Variants in HERC1 observed in about 807,000 individuals in gnomAD.
The protein encoded by HERC1 is HECT and RLD domain containing E3 ubiquitin protein ligase family member 1, also known as probable E3 ubiquitin-protein ligase HERC1.
In HERC1, 160 loss-of-function variants were observed where a neutral mutation model predicts 554.3. That is an observed-to-expected ratio of 0.29 (90% confidence interval 0.25 to 0.33). HERC1 has a LOEUF of 0.33. Ranked by LOEUF, HERC1 falls within the 10% of genes least tolerant of loss-of-function variation. The pLI is 1.00. For synonymous variants in HERC1, 2,175 were observed against 2,131.7 expected, an observed-to-expected ratio of 1.02 and a Z score of -0.56; for missense variants, 4,919 against 5,918.5, an observed-to-expected ratio of 0.83 and a Z score of 5.54.
chr15:63,671,780 T>C (rs2070940611), intron 39 of HERC1, among the ~76,000 whole-genome samples: 1 of 152,090 alleles, frequency 6.6e-6, no homozygotes. Flanking sequence ...ACAGTGAAAA[T>C]CGTAATGCCT....
rs761797214 is a variant in HERC1, at chr15:63,615,924, G to C, written c.13942-4C>G. 1.3e-6 allele frequency: 2 copies of C among 1,577,052 alleles called. No homozygotes were observed. The highest frequency in any genetic ancestry group is 3.9e-5 in the Admixed American group (2 of 51,206). ...CAAAAGAATCAAGAGGAATCATCTA[G>C]GAACAGAAGAAAACAGAATTTTTAT... is the stretch of plus-strand genomic sequence containing the variant. On this transcript the variant is annotated splice_region_variant and splice_polypyrimidine_tract_variant and intron_variant, in intron 75 of 77. Coordinates refer to ENST00000443617, the MANE Select transcript of HERC1 (RefSeq NM_003922.4).
chr15:63,674,866 C>G lies in HERC1; in HGVS notation c.7322G>C (p.Arg2441Pro), dbSNP rs371256403. 25 of 1,613,674 alleles carry G rather than the reference C, an allele frequency of 1.5e-5. No homozygotes were observed. Among genetic ancestry groups the G allele is most frequent in the South Asian group, 3.3e-5 (3 of 91,070 alleles). ...KPESESALDM[R>P]TGLTSDDVKS... The stretch of plus-strand genomic sequence containing the variant: ...GACGTCATCAGATGTTAGGCCTGTT[C>G]GCATATCTAAAGCGGATTCACTCTC... Residue 2441 changes from arginine (R) to proline (P), a missense_variant, in exon 38 of 78, where the codon CGA becomes CCA. Coordinates refer to ENST00000443617, the MANE Select transcript of HERC1 (RefSeq NM_003922.4).
chr15:63,787,261 A>T (rs1235915573), intron 1 of HERC1, among the ~76,000 whole-genome samples: 1 of 152,010 alleles, frequency 6.6e-6, no homozygotes, highest in African/African-American at 2.4e-5. Flanking sequence ...GATTCAAGCA[A>T]TTCTCCTGCC....
At chr15:63,769,066 A>G (rs1357138018) in intron 2 of HERC1, among the ~76,000 whole-genome samples, 3 of 152,222 alleles carry the variant, frequency 2.0e-5, no homozygotes, top group Non-Finnish European at 4.4e-5. Context: ...AAAAGTCAGT[A>G]TTTAAGGATA....
Position 63,660,956 on chromosome 15 carries a change from C to T in HERC1, c.9223+17G>A. ...TAAAAAAACATGTAAAATAAAGAAGCTCTCAAAACAAACTACCTTCATACA... is the reference window on the plus strand; with the variant it reads ...TAAAAAAACATGTAAAATAAAGAAGTTCTCAAAACAAACTACCTTCATACA... On this transcript the variant is annotated intron_variant, in intron 46 of 77. Coordinates refer to ENST00000443617, the MANE Select transcript of HERC1 (RefSeq NM_003922.4). The T allele has an allele frequency of 6.5e-7, 1 of 1,537,396 alleles. No individual in the cohort carries two copies. Among genetic ancestry groups the T allele is most frequent in the Non-Finnish European group, 9.0e-7 (1 of 1,110,790 alleles).
In HERC1 at chr15:63,766,876, C is replaced by T. The variant is rs886577178; in HGVS notation, c.931-2685G>A. ...ATTTTTAGCAGAGAAGAGGTTTCTC[C>T]ATGTTGGTTCAGGCTGGTCTGAAAC... On this transcript the variant is annotated intron_variant, in intron 2 of 77. Transcript: ENST00000443617. 5.4e-4 allele frequency among the ~76,000 whole-genome samples: 81 copies of T among 151,376 alleles called. 1 individual carries two copies. The highest frequency in any genetic ancestry group is 1.8e-3 in the African/African-American group (74 of 41,210).
At chr15:63,738,433 A>G (rs1235647223) in intron 12 of HERC1, among the ~76,000 whole-genome samples, 1 of 152,212 alleles carries the variant, frequency 6.6e-6, no homozygotes, top group African/African-American at 2.4e-5. Flanking sequence ...ATACTAATTT[A>G]TTTGTTTTGA....
chr15:63,724,992 A>C (rs960124274), intron 18 of HERC1, among the ~76,000 whole-genome samples: 2 of 152,196 alleles, frequency 1.3e-5, no homozygotes, highest in Admixed American at 1.3e-4. Context: ...CATAACCTCC[A>C]AGCCTCGGAA....
intron 52 of HERC1, 136 bp from the exon 53 acceptor site, chr15:63,651,516 G>C: frequency 2.7e-6 from 2 of 739,158 alleles, no homozygotes; most frequent in South Asian, 4.0e-5. Context: ...TTGGCTAGCA[G>C]TATTTAACAG....
At position 63,725,399 on chromosome 15, in the gene HERC1, C is replaced by G; in HGVS notation, c.3461G>C (p.Gly1154Ala). 6.2e-7 allele frequency: 1 copy of G among 1,613,964 alleles called. No individual in the cohort carries two copies. Among genetic ancestry groups the G allele is most frequent in the Non-Finnish European group, 8.5e-7 (1 of 1,179,890 alleles). Residue 1154 changes from glycine to alanine, a missense_variant, in exon 18 of 78, where the codon GGT becomes GCT. Coordinates refer to ENST00000443617, the MANE Select transcript of HERC1 (RefSeq NM_003922.4). ...TIALLIGRCL[G>A]GMLQGSPVSP... ...CACAGGGGAGCCCTGAAGCATGCCA[C>G]CAAGACACCGCCCAATAAGGAGAGC...
intron 2 of HERC1, among the ~76,000 whole-genome samples, chr15:63,771,599 T>C (rs1306693727): frequency 6.6e-6 from 1 of 151,808 alleles, no homozygotes; most frequent in East Asian, 1.9e-4. Context: ...GCCTGGCTAA[T>C]TTTTTTATTT....
chr15:63,711,689 T>C lies in HERC1; in HGVS notation c.4584+1086A>G, dbSNP rs542105851. Among the ~76,000 whole-genome samples, 6 of 152,338 alleles carry C rather than the reference T, an allele frequency of 3.9e-5. No individual in the cohort carries two copies. The South Asian group carries it at 8.3e-4, about 21-fold the overall frequency. Reference sequence around the variant, plus strand: ...ATTTCAGAATTACACATGGAGCTTATAGATAAGTCCATCTCAAACGCTAGC... The same window carrying C: ...ATTTCAGAATTACACATGGAGCTTACAGATAAGTCCATCTCAAACGCTAGC... On this transcript the variant is annotated intron_variant, in intron 24 of 77. Coordinates refer to ENST00000443617, the MANE Select transcript of HERC1 (RefSeq NM_003922.4).
chr15:63,672,574 G>A lies in HERC1; in HGVS notation c.7967C>T (p.Thr2656Ile). The A allele has an allele frequency of 1.2e-6, 2 of 1,611,226 alleles. No homozygotes were observed. The highest frequency in any genetic ancestry group is 1.7e-6 in the Non-Finnish European group (2 of 1,178,734). ...FMSSSLEDTT[T>I]ATTPVTDTET... ...TGTGTCAGTGACTGGAGTGGTGGCA[G>A]TTGTGGTGTCCTCCAGAGAGCTGCT... Residue 2656 changes from threonine to isoleucine, a missense_variant, in exon 39 of 78, where the codon ACT (threonine) becomes ATT (isoleucine). Transcript: ENST00000443617.
chr15:63,619,821 C>T (rs1223798547), intron 74 of HERC1, among the ~76,000 whole-genome samples: 1 of 152,094 alleles, frequency 6.6e-6, no homozygotes, highest in Non-Finnish European at 1.5e-5. Flanking sequence ...GTTTGTATTT[C>T]TGTGGGATCG....
At chr15:63,752,658 C>T (rs964838134) in intron 8 of HERC1, 3 of 199,292 alleles carry the variant, frequency 1.5e-5, no homozygotes, top group Non-Finnish European at 3.1e-5. Context: ...CAGCTTTCCC[C>T]GACTATCCAT....
chr15:63,799,748 C>CT (rs1192159858), intron 1 of HERC1, among the ~76,000 whole-genome samples: 1 of 152,122 alleles, frequency 6.6e-6, no homozygotes, highest in African/African-American at 2.4e-5. Context: ...ACAAGGATAG[C>CT]TGCAAGCAAA....
intron 33 of HERC1, among the ~76,000 whole-genome samples, 189 bp from the exon 34 acceptor site, chr15:63,686,724 A>G (rs2071784101): frequency 6.6e-6 from 1 of 152,228 alleles, no homozygotes; most frequent in African/African-American, 2.4e-5. Flanking sequence ...GCTTAAGGTC[A>G]TTAATGGACA....
chr15:63,679,722 C>T (rs2071383722), intron 36 of HERC1, among the ~76,000 whole-genome samples: 2 of 152,232 alleles, frequency 1.3e-5, no homozygotes, highest in South Asian at 4.1e-4. Context: ...ATGACTACAA[C>T]TTCTATTATT....
rs375307824 is a variant in HERC1 at position 63,635,964 on chromosome 15, C to T, written c.12411G>A (p.Val4137=). Residue 4137 remains valine (V), a synonymous_variant, in exon 65 of 78, where the codon GTG becomes GTA. Transcript: ENST00000443617. ...QIEALQGEEV[V]QMSCGFKHSA... Reference sequence around the variant, plus strand: ...ACTTATCCATTTCCTGCCTGACCTGCACCACTTCTTCTCCTTGTAAGGCCT... The same window carrying T: ...ACTTATCCATTTCCTGCCTGACCTGTACCACTTCTTCTCCTTGTAAGGCCT... 3 of 1,613,768 alleles carry T rather than the reference C, an allele frequency of 1.9e-6. No individual in the cohort carries two copies. The highest frequency in any genetic ancestry group is 2.5e-6 in the Non-Finnish European group (3 of 1,179,832).
Sources: gnomAD v4.1 joint callset for allele counts (sites outside exome capture counted in the v4.1 genomes callset) on GRCh38, gnomAD v4.1.1 for gene constraint, MANE v1.5 for transcripts, NCBI Gene and HGNC (gene_info 2026-07-23, HGNC 2026-07-21) for gene names.